Variants in STX8 observed in about 807,000 individuals in gnomAD.
STX8 encodes the protein syntaxin 8, also known as syntaxin-8.
Under a neutral mutation model 37.5 loss-of-function variants are expected in STX8, and 23 were observed. The ratio of observed to expected loss-of-function variants is 0.61; its 90% CI spans 0.44 to 0.87. The LOEUF (loss-of-function observed/expected upper bound fraction) is 0.87. Among genes scored for constraint, STX8 ranks in the 40% least tolerant of loss-of-function variants. STX8 has a pLI of 0.00. For missense variants in STX8, 313 were observed against 284.7 expected (o/e 1.10, Z -0.71); for synonymous variants, 115 against 99.1 (o/e 1.16, Z -0.95).
intron 5 of STX8, among the ~76,000 whole-genome samples, chr17:9,500,235 G>A (rs779485404): frequency 1.3e-5 from 2 of 152,136 alleles, no homozygotes; most frequent in Non-Finnish European, 2.9e-5. Flanking sequence ...GGACTGACAG[G>A]CACCAGACTT....
At chr17:9,400,918 C>T (rs1331215622) in intron 6 of STX8, among the ~76,000 whole-genome samples, 1 of 152,066 alleles carries the variant, frequency 6.6e-6, no homozygotes, top group Non-Finnish European at 1.5e-5. Context: ...AAATGCTGTA[C>T]AGTTTTTATA....
chr17:9,407,324 TG>T (rs1441042427), intron 6 of STX8, among the ~76,000 whole-genome samples: 3 of 152,080 alleles, frequency 2.0e-5, no homozygotes, highest in Non-Finnish European at 4.4e-5. Context: ...CCACCCCACC[TG>T]GCCCCAGCAC....
chr17:9,369,310 G>GA (rs1192923859), intron 7 of STX8, among the ~76,000 whole-genome samples: 1 of 152,042 alleles, frequency 6.6e-6, no homozygotes, highest in Non-Finnish European at 1.5e-5. Context: ...AGAATGTAAA[G>GA]AAAAAGGGGC....
At chr17:9,429,339 A>C (rs1913757626) in intron 6 of STX8, among the ~76,000 whole-genome samples, 1 of 145,888 alleles carries the variant, frequency 6.9e-6, no homozygotes, top group African/African-American at 2.5e-5. Flanking sequence ...TTTTATATAC[A>C]TATATTTATA....
At chr17:9,561,293 A>G (rs1210790127) in intron 2 of STX8, among the ~76,000 whole-genome samples, 2 of 152,232 alleles carry the variant, frequency 1.3e-5, no homozygotes, top group Non-Finnish European at 2.9e-5. Context: ...AAGTTAATAG[A>G]GAAAGCATTT....
At chr17:9,393,277 G>A (rs556512512) in intron 6 of STX8, among the ~76,000 whole-genome samples, 6 of 152,278 alleles carry the variant, frequency 3.9e-5, no homozygotes, top group African/African-American at 1.4e-4. Flanking sequence ...GCACCGAGGT[G>A]AAATAAAGAT....
intron 4 of STX8, among the ~76,000 whole-genome samples, chr17:9,542,056 C>A (rs1390403452): frequency 6.6e-6 from 1 of 151,354 alleles, no homozygotes; most frequent in Non-Finnish European, 1.5e-5. Flanking sequence ...CAAAGTGCCA[C>A]GATTAAGAAT....
At chr17:9,402,160 C>T (rs1209122088) in intron 6 of STX8, among the ~76,000 whole-genome samples, 1 of 151,868 alleles carries the variant, frequency 6.6e-6, no homozygotes, top group African/African-American at 2.4e-5. Flanking sequence ...GCTCTTGTTC[C>T]CCAGGCTGGA....
At chr17:9,459,365 C>T (rs1056405135) in intron 6 of STX8, among the ~76,000 whole-genome samples, 9 of 152,222 alleles carry the variant, frequency 5.9e-5, no homozygotes, top group African/African-American at 2.2e-4. Flanking sequence ...CAAGTGTCTC[C>T]AGGGTACCTG....
chr17:9,473,555 C>T (rs189143588), intron 6 of STX8, among the ~76,000 whole-genome samples: 43 of 152,240 alleles, frequency 2.8e-4, no homozygotes, highest in African/African-American at 1.0e-3. Flanking sequence ...TACTCATAAT[C>T]CCTAATACAA....
chr17:9,309,421 A>T (rs867456664), intron 7 of STX8, among the ~76,000 whole-genome samples: 3 of 152,150 alleles, frequency 2.0e-5, no homozygotes, highest in Non-Finnish European at 4.4e-5. Context: ...TATCATGCAA[A>T]CAACCTGGGA....
intron 7 of STX8, among the ~76,000 whole-genome samples, chr17:9,287,428 A>T (rs1221668091): frequency 1.3e-5 from 2 of 152,182 alleles, no homozygotes; most frequent in Admixed American, 1.3e-4. Context: ...ACATGGGGGC[A>T]ACAGGCACAG....
chr17:9,479,425 T>C (rs1414734967), intron 6 of STX8, among the ~76,000 whole-genome samples: 1 of 151,694 alleles, frequency 6.6e-6, no homozygotes, highest in Non-Finnish European at 1.5e-5. Flanking sequence ...TCCCAGCTAC[T>C]TGGGAGTCTG....
chr17:9,286,647 T>C (rs1254806616), intron 7 of STX8, among the ~76,000 whole-genome samples: 2 of 119,500 alleles, frequency 1.7e-5, no homozygotes, highest in African/African-American at 6.4e-5. Flanking sequence ...AGTCTTTAAA[T>C]GAAATAAAGA....
At chr17:9,532,500 GAA>G (rs1400849503) in intron 4 of STX8, among the ~76,000 whole-genome samples, 1 of 152,024 alleles carries the variant, frequency 6.6e-6, no homozygotes, top group Non-Finnish European at 1.5e-5. Context: ...CACACACACA[GAA>G]AACTGTTAAA....
intron 7 of STX8, among the ~76,000 whole-genome samples, chr17:9,258,336 A>C (rs1396627760): frequency 6.6e-6 from 1 of 152,244 alleles, no homozygotes; most frequent in African/African-American, 2.4e-5. Flanking sequence ...GACTGGGCAA[A>C]TACACGAAGA....
At chr17:9,406,258 T>C (rs983417637) in intron 6 of STX8, among the ~76,000 whole-genome samples, 15 of 152,210 alleles carry the variant, frequency 9.9e-5, no homozygotes, top group African/African-American at 3.1e-4. Flanking sequence ...TAGTATCACA[T>C]TGTATGGGTC....
At chr17:9,311,362 A>T (rs1419935769) in intron 7 of STX8, among the ~76,000 whole-genome samples, 1 of 152,162 alleles carries the variant, frequency 6.6e-6, no homozygotes, top group East Asian at 1.9e-4. Context: ...CAGAATTGAG[A>T]TTCAAATGAG....
intron 4 of STX8, among the ~76,000 whole-genome samples, chr17:9,526,378 A>T (rs895452818): frequency 6.6e-6 from 1 of 151,660 alleles, no homozygotes; most frequent in Non-Finnish European, 1.5e-5. Flanking sequence ...GAGGCCTAAG[A>T]CCGCCCCCAC....
Sources: gnomAD v4.1 joint callset for allele counts (sites outside exome capture counted in the v4.1 genomes callset) on GRCh38, gnomAD v4.1.1 for gene constraint, MANE v1.5 for transcripts, NCBI Gene and HGNC (gene_info 2026-07-23, HGNC 2026-07-21) for gene names.